The following ATP10B variants were observed in gnomAD, a reference collection of about 807,000 sequenced individuals.
The protein encoded by ATP10B is phospholipid-transporting ATPase VB.
ATP10B carries 122 observed loss-of-function variants against 141.2 expected under a neutral mutation model. The observed-to-expected ratio is 0.86, with a 90% CI of 0.75 to 1.00. The LOEUF (loss-of-function observed/expected upper bound fraction) is 1.00. Among genes scored for constraint, ATP10B ranks in the 50% least tolerant of loss-of-function variants. The probability of loss-of-function intolerance (pLI) is 0.00; values close to 1 mark genes in which losing one functional copy is unlikely to be tolerated. For missense variants in ATP10B, 1,876 were observed against 1,825.3 expected (o/e 1.03, Z -0.51); for synonymous variants, 685 against 692.0 (o/e 0.99, Z 0.16).
chr5:160,682,160 A>G (rs1446279307), intron 6 of ATP10B, among the ~76,000 whole-genome samples: 1 of 152,256 alleles, frequency 6.6e-6, no homozygotes, highest in African/African-American at 2.4e-5. Flanking sequence ...ATATTAAAAA[A>G]TATTTCCAAA....
chr5:160,653,028 A>C (rs1761004805), intron 7 of ATP10B, among the ~76,000 whole-genome samples: 1 of 112,514 alleles, frequency 8.9e-6, no homozygotes, highest in East Asian at 2.3e-4. Flanking sequence ...TTATATATTT[A>C]TATATTTATA....
intron 1 of ATP10B, among the ~76,000 whole-genome samples, chr5:160,826,362 C>A (rs767875601): frequency 1.3e-5 from 2 of 152,120 alleles, no homozygotes; most frequent in African/African-American, 2.4e-5. Flanking sequence ...GAACGTAAAT[C>A]GTGAAGATTT....
intron 7 of ATP10B, among the ~76,000 whole-genome samples, chr5:160,650,953 CG>C (rs1339189668): frequency 6.6e-6 from 1 of 152,114 alleles, no homozygotes; most frequent in African/African-American, 2.4e-5. Flanking sequence ...TTCCTTTAAT[CG>C]TTTCACCATT....
rs377314990 is a variant in ATP10B, at chr5:160,634,325, A to G, written c.1381+29T>C. On this transcript the variant is annotated intron_variant, in intron 12 of 25. Coordinates refer to ENST00000327245, the MANE Select transcript of ATP10B (RefSeq NM_025153.3). ...GAGCAGGGTATTTCCTTTTAGAAAG[A>G]GGGATGGAGCCCTTGGGAGCTTCTA... 94 of 1,613,926 alleles carry G rather than the reference A, an allele frequency of 5.8e-5. No homozygotes were observed. In the Middle Eastern group the frequency reaches 9.9e-4, roughly 17 times the overall value.
At chr5:160,856,278 G>A (rs1482599449), upstream of ATP10B, among the ~76,000 whole-genome samples, 1 of 151,672 alleles carries the variant, frequency 6.6e-6, no homozygotes, top group African/African-American at 2.4e-5. Flanking sequence ...TAGCATATGA[G>A]TCCTGTACAC....
In ATP10B at chr5:160,570,555, C is replaced by T. The variant is rs570342928; in HGVS notation, c.3751-872G>A. ...GTTTTCCATCCTCCTGAATTACACA[C>T]GAGATTTAGAGCACTTTAACTCTCT... On this transcript the variant is annotated intron_variant, in intron 24 of 25. Transcript: ENST00000327245. 3.9e-5 allele frequency among the ~76,000 whole-genome samples: 6 copies of T among 152,296 alleles called. No homozygotes were observed. In the East Asian group the frequency reaches 7.7e-4, roughly 20 times the overall value.
chr5:160,804,898 C>T (rs530473150), intron 1 of ATP10B, among the ~76,000 whole-genome samples: 2 of 152,322 alleles, frequency 1.3e-5, no homozygotes, highest in Admixed American at 6.5e-5. Flanking sequence ...AACCCCCCAC[C>T]ACCAAAATCC....
At chr5:160,815,635 A>C (rs1436546937) in intron 1 of ATP10B, among the ~76,000 whole-genome samples, 1 of 152,196 alleles carries the variant, frequency 6.6e-6, no homozygotes, top group Non-Finnish European at 1.5e-5. Context: ...GATATGGAGG[A>C]ATTGAACTCA....
At chr5:160,919,243 A>AAAAAAAAAAAAAAAAC in the ATP10B span, among the ~76,000 whole-genome samples, 1 of 147,982 alleles carries the variant, frequency 6.8e-6, no homozygotes, top group African/African-American at 2.5e-5. Context: ...AAAAAAAAAA[A>AAAAAAAAAAAAAAAAC]AAGCAGGGAG....
At chr5:160,901,675 T>A in the ATP10B span, among the ~76,000 whole-genome samples, 1 of 152,166 alleles carries the variant, frequency 6.6e-6, no homozygotes, top group African/African-American at 2.4e-5. Flanking sequence ...CAGATAACAT[T>A]TGAGTTGAGA....
chr5:160,818,371 T>G (rs529381876), intron 1 of ATP10B, among the ~76,000 whole-genome samples: 3 of 152,308 alleles, frequency 2.0e-5, no homozygotes, highest in Admixed American at 1.3e-4. Context: ...AAAGAAGACA[T>G]TGATGCAGCC....
At chr5:160,643,446 G>A (rs1007314321) in intron 9 of ATP10B, among the ~76,000 whole-genome samples, 2 of 152,294 alleles carry the variant, frequency 1.3e-5, no homozygotes, top group South Asian at 2.1e-4. Flanking sequence ...CAACAGGTGC[G>A]TTGCGTACCT....
At chr5:160,792,408 G>C (rs1442554738) in intron 1 of ATP10B, among the ~76,000 whole-genome samples, 1 of 152,254 alleles carries the variant, frequency 6.6e-6, no homozygotes, top group East Asian at 1.9e-4. Context: ...TGTGCAGCTA[G>C]AGACTTCAGA....
chr5:160,707,875 A>G (rs1765109467), intron 3 of ATP10B, among the ~76,000 whole-genome samples: 1 of 152,204 alleles, frequency 6.6e-6, no homozygotes, highest in South Asian at 2.1e-4. Flanking sequence ...GAAGCAGCAC[A>G]TCGATAAATC....
At chr5:160,889,306 G>A in the ATP10B span, among the ~76,000 whole-genome samples, 1 of 152,184 alleles carries the variant, frequency 6.6e-6, no homozygotes, top group Non-Finnish European at 1.5e-5. Context: ...TGGCTAGAGT[G>A]CCCAGCTGAT....
intron 6 of ATP10B, among the ~76,000 whole-genome samples, chr5:160,680,940 A>AG (rs559262354): frequency 6.6e-6 from 1 of 152,186 alleles, no homozygotes; most frequent in Non-Finnish European, 1.5e-5. Context: ...TGTAGATGTG[A>AG]GGGCTGGAGC....
In ATP10B at chr5:160,688,571, T is replaced by C. The variant is rs192365175; in HGVS notation, c.-21+189A>G. ...CCTTCACCTTCAACTGATCTCCAGC[T>C]TCCTCACTGTGAAATCAGGAACACT... On this transcript the variant is annotated intron_variant, in intron 4 of 25. Transcript: ENST00000327245. 1.9e-3 allele frequency among the ~76,000 whole-genome samples: 291 copies of C among 152,330 alleles called. 1 individual carries two copies. The highest frequency in any genetic ancestry group is 6.5e-3 in the African/African-American group (272 of 41,576).
intron 24 of ATP10B, among the ~76,000 whole-genome samples, chr5:160,575,520 G>A (rs888450565): frequency 1.3e-5 from 2 of 152,156 alleles, no homozygotes; most frequent in South Asian, 4.2e-4. Context: ...ACCTGGCCAT[G>A]TGATCCTGGC....
chr5:160,821,221 T>C (rs979687274), intron 1 of ATP10B, among the ~76,000 whole-genome samples: 2 of 151,946 alleles, frequency 1.3e-5, no homozygotes, highest in Non-Finnish European at 1.5e-5. Context: ...ATACCAACAG[T>C]GAACAATCTG....
Sources: gnomAD v4.1 joint callset for allele counts (sites outside exome capture counted in the v4.1 genomes callset) on GRCh38, gnomAD v4.1.1 for gene constraint, MANE v1.5 for transcripts, NCBI Gene and HGNC (gene_info 2026-07-23, HGNC 2026-07-21) for gene names.